Variants in GTPBP6 observed in about 807,000 individuals in gnomAD.
GTPBP6 encodes putative GTP-binding protein 6.
In GTPBP6, 33 loss-of-function variants were observed where a neutral mutation model predicts 28.9. That is an observed-to-expected ratio of 1.14 (90% CI 0.87 to 1.53). The LOEUF (loss-of-function observed/expected upper bound fraction) is 1.53. GTPBP6 is among the 40% of genes most tolerant of loss of function. The pLI, the probability that GTPBP6 is intolerant of heterozygous loss-of-function variation, is 0.00. For synonymous variants in GTPBP6, 231 were observed against 192.7 expected (o/e 1.20, Z -1.65); for missense variants, 507 against 408.3 (o/e 1.24, Z -2.08).
intron 7 of GTPBP6, among the ~76,000 whole-genome samples, chrX:308,159 AACC>A (rs1478103097): frequency 6.6e-6 from 1 of 150,914 alleles, no homozygotes; most frequent in Non-Finnish European, 1.5e-5. Flanking sequence ...ATGAGCACCC[AACC>A]ACCACCCACC....
chrX:308,369 T>C (rs138339434), intron 7 of GTPBP6, among the ~76,000 whole-genome samples: 1,947 of 152,318 alleles, frequency 0.013, 18 homozygotes, highest in Middle Eastern at 0.024. Context: ...CTCCAACTTA[T>C]ACTACCGGGG....
At chrX:312,840 T>C (rs1385679399) in exon 6 of GTPBP6, 2 of 1,612,932 alleles carry the variant, frequency 1.2e-6, no homozygotes, top group Non-Finnish European at 1.7e-6. Flanking sequence ...CAGGTGCCTC[T>C]TCTTGCGAAG....
intron 6 of GTPBP6, chrX:312,043 C>T (rs9652803): frequency 1.1e-4 from 51 of 454,648 alleles, no homozygotes; most frequent in East Asian, 8.9e-4. Flanking sequence ...GCAGTGGTGC[C>T]GGTGTTGACA....
At chrX:305,625 ATTT>A in intron 9 of GTPBP6, among the ~76,000 whole-genome samples, 1 of 94,758 alleles carries the variant, frequency 1.1e-5, no homozygotes, top group South Asian at 4.0e-4. Flanking sequence ...CCGGCTTTTT[ATTT>A]TTTATTTTTT....
At chrX:306,527 T>TTTGA (rs111525272) in intron 9 of GTPBP6, among the ~76,000 whole-genome samples, 14,082 of 147,476 alleles carry the variant, frequency 0.095, 2,244 homozygotes, top group African/African-American at 0.33. Context: ...AAATGTACAT[T>TTTGA]TTGTCAGCAC....
chrX:314,504 GCT>G (rs750065590), intron 4 of GTPBP6, among the ~76,000 whole-genome samples: 6,627 of 150,018 alleles, frequency 0.044, 185 homozygotes, highest in Middle Eastern at 0.079. Flanking sequence ...ACGGAGTCTC[GCT>G]CTGTCACCCA....
chrX:312,869 G>A, exon 6 of GTPBP6: 1 of 1,612,728 alleles, frequency 6.2e-7, no homozygotes, highest in Non-Finnish European at 8.5e-7. Context: ...AGGCCTTCCT[G>A]ATCTTGGCCT....
At chrX:311,707 G>A (rs1178234956) in intron 6 of GTPBP6, 80 bp from the exon 7 acceptor site, 2 of 1,175,800 alleles carry the variant, frequency 1.7e-6, no homozygotes, top group South Asian at 1.2e-5. Flanking sequence ...CCTCCAAATG[G>A]AGACCACGGC....
At chrX:312,616 G>A (rs754232049) in intron 6 of GTPBP6, 150 bp downstream of exon 6, 12 of 813,246 alleles carry the variant, frequency 1.5e-5, no homozygotes, top group African/African-American at 5.1e-5. Context: ...CCCACACGGC[G>A]ACCATGGGAA....
intron 7 of GTPBP6, 109 bp downstream of exon 7, chrX:311,310 G>A: frequency 2.9e-6 from 2 of 683,986 alleles, no homozygotes; most frequent in South Asian, 2.1e-5. Context: ...CCGGCCCCTG[G>A]GCTGAGTGGG....
intron 4 of GTPBP6, 120 bp from the exon 5 acceptor site, chrX:314,337 T>C (rs2070383850): frequency 1.2e-6 from 1 of 820,096 alleles, no homozygotes; most frequent in African/African-American, 1.7e-5. Context: ...GGAGCCGCTG[T>C]TGCGGCCCCG....
At chrX:314,388 G>A (rs894785809) in intron 4 of GTPBP6, among the ~76,000 whole-genome samples, 171 bp from the exon 5 acceptor site, 17 of 152,284 alleles carry the variant, frequency 1.1e-4, no homozygotes, top group African/African-American at 2.4e-4. Flanking sequence ...CGCGTGTCCC[G>A]GGCCGAGGGG....
chrX:309,020 C>A (rs1196984031), intron 7 of GTPBP6, among the ~76,000 whole-genome samples: 1 of 152,138 alleles, frequency 6.6e-6, no homozygotes, highest in Non-Finnish European at 1.5e-5. Flanking sequence ...CCACCACACC[C>A]GGTCCATAAT....
intron 7 of GTPBP6, 97 bp from the exon 8 acceptor site, chrX:307,977 A>G (rs998676937): frequency 2.7e-6 from 3 of 1,124,268 alleles, no homozygotes; most frequent in Admixed American, 3.5e-5. Flanking sequence ...CGAGCTCCCA[A>G]CGACAGGCTG....
At chrX:311,615 A>C in exon 7 of GTPBP6, 1 of 1,611,924 alleles carries the variant, frequency 6.2e-7, no homozygotes, top group Non-Finnish European at 8.5e-7. Context: ...TGCCTTGATC[A>C]GCGTGGTCTT....
At chrX:310,682 C>G (rs1213968061) in intron 7 of GTPBP6, among the ~76,000 whole-genome samples, 2 of 151,916 alleles carry the variant, frequency 1.3e-5, no homozygotes, top group East Asian at 1.9e-4. Context: ...GATGCGGCCT[C>G]AAGCCCAGGG....
At chrX:307,287 G>A (rs1261930761) in intron 9 of GTPBP6, 73 bp downstream of exon 9, 72 of 1,449,670 alleles carry the variant, frequency 5.0e-5, no homozygotes, top group African/African-American at 5.6e-5. Context: ...GTGCACCCAC[G>A]AAGAGCCCGT....
chrX:312,937 C>A lies in GTPBP6; in HGVS notation c.758-13G>T, dbSNP rs376933759. The A allele has an allele frequency of 1.9e-6, 3 of 1,605,592 alleles. No individual in the cohort carries two copies. The highest frequency in any genetic ancestry group is 2.7e-5 in the African/African-American group (2 of 74,730). On this transcript the variant is annotated splice_polypyrimidine_tract_variant and intron_variant, in intron 5 of 9. Transcript: ENST00000326153. ...ATGAAGGATTCTCCTAAAAGACACC[C>A]GAGATGGTGAGGCGGTGAGCCACGC...
intron 4 of GTPBP6, 134 bp from the exon 5 acceptor site, chrX:314,351 C>A (rs34510462): frequency 2.6e-6 from 2 of 758,028 alleles, no homozygotes; most frequent in Admixed American, 4.0e-5. Flanking sequence ...GGCCCCGCTC[C>A]GCGTGTAGCT....
Sources: allele counts gnomAD v4.1 joint callset (sites outside exome capture counted in the v4.1 genomes callset), GRCh38; gene constraint gnomAD v4.1.1; transcripts MANE v1.5; gene names NCBI Gene and HGNC (gene_info 2026-07-23, HGNC 2026-07-21).